Variants in CNTN1 observed in about 807,000 individuals in gnomAD.
CNTN1 encodes contactin-1.
CNTN1 carries 38 observed loss-of-function variants against 126.4 expected under a neutral mutation model. The ratio of observed to expected loss-of-function variants is 0.30; its 90% CI spans 0.23 to 0.39. The LOEUF is 0.39. Ranked by LOEUF, CNTN1 falls within the 10% of genes least tolerant of loss-of-function variation. The pLI is 1.00. For missense variants in CNTN1, 1,009 were observed against 1,248.4 expected (o/e 0.81, Z 2.89); for synonymous variants, 413 against 422.6 (o/e 0.98, Z 0.28).
rs61754102 is a variant in CNTN1, at chr12:41,020,410, T to C, written c.2493T>C (p.His831=). The change falls in exon 20 of 24, where the codon CAT becomes CAC. Residue 831 remains histidine (H), a synonymous_variant. Coordinates refer to ENST00000551295, the MANE Select transcript of CNTN1 (RefSeq NM_001843.4). ...CTGAGATATCTGTTCATTGGGAACATGTTTTAGAAAAAATAGTGGAAAGCT... is the reference window on the plus strand; with the variant it reads ...CTGAGATATCTGTTCATTGGGAACACGTTTTAGAAAAAATAGTGGAAAGCT... ...SSSEISVHWE[H]VLEKIVESYQ... is the part of the protein sequence containing the mutation. 4.8e-3 allele frequency: 7,802 copies of C among 1,611,820 alleles called. 87 individuals are homozygous for C. Among genetic ancestry groups the C allele is most frequent in the Middle Eastern group, 0.034 (202 of 6,026 alleles).
At chr12:40,918,911 T>C in intron 4 of CNTN1, 140 bp downstream of exon 4, 1 of 1,019,136 alleles carries the variant, frequency 9.8e-7, no homozygotes, top group South Asian at 1.4e-5. Flanking sequence ...ATACAAACTA[T>C]TAAAAAAGTT....
intron 1 of CNTN1, among the ~76,000 whole-genome samples, chr12:40,854,364 G>T (rs1173868585): frequency 1.3e-5 from 2 of 151,988 alleles, no homozygotes; most frequent in African/African-American, 2.4e-5. Flanking sequence ...GAAGAATAAA[G>T]ATTTATTCAA....
intron 1 of CNTN1, among the ~76,000 whole-genome samples, chr12:40,767,749 A>ATAC (rs1939175886): frequency 1.3e-5 from 2 of 152,044 alleles, no homozygotes; most frequent in African/African-American, 4.8e-5. Context: ...CTTTCTTTAT[A>ATAC]TGTTACTTAA....
intron 1 of CNTN1, among the ~76,000 whole-genome samples, chr12:40,846,437 C>A (rs1942505350): frequency 6.6e-6 from 1 of 152,202 alleles, no homozygotes; most frequent in African/African-American, 2.4e-5. Flanking sequence ...CACTGCACTC[C>A]AGCCTGGACA....
At chr12:41,057,720 T>A (rs979176166) in intron 23 of CNTN1, among the ~76,000 whole-genome samples, 1 of 152,096 alleles carries the variant, frequency 6.6e-6, no homozygotes, top group African/African-American at 2.4e-5. Flanking sequence ...GGGAGAAGAT[T>A]AAGTTTGTGG....
At chr12:40,763,707 G>A (rs1316411138) in intron 1 of CNTN1, among the ~76,000 whole-genome samples, 1 of 152,138 alleles carries the variant, frequency 6.6e-6, no homozygotes, top group Non-Finnish European at 1.5e-5. Flanking sequence ...AAAACAAAGT[G>A]GGGCTTCAGA....
intron 1 of CNTN1, among the ~76,000 whole-genome samples, chr12:40,703,602 A>G (rs1189281684): frequency 6.6e-6 from 1 of 152,200 alleles, no homozygotes; most frequent in African/African-American, 2.4e-5. Context: ...CTACTTAGGC[A>G]GGTGCCTGTT....
At chr12:40,873,871 C>T (rs185706601) in intron 1 of CNTN1, among the ~76,000 whole-genome samples, 46 of 152,230 alleles carry the variant, frequency 3.0e-4, no homozygotes, top group African/African-American at 1.1e-3. Context: ...TAGCTATCAA[C>T]TATTGGAATA....
At chr12:40,885,983 C>T (rs1944014603) in intron 1 of CNTN1, among the ~76,000 whole-genome samples, 2 of 152,026 alleles carry the variant, frequency 1.3e-5, no homozygotes, top group African/African-American at 4.8e-5. Context: ...CTTCACCTTT[C>T]TTATTTCTAA....
chr12:41,008,598 A>G (rs1266314766), intron 17 of CNTN1, among the ~76,000 whole-genome samples: 1 of 152,164 alleles, frequency 6.6e-6, no homozygotes, highest in Non-Finnish European at 1.5e-5. Flanking sequence ...TCCACCAACT[A>G]TCTATGACAT....
chr12:41,053,425 C>A (rs1395893190), intron 23 of CNTN1, among the ~76,000 whole-genome samples: 3 of 35,856 alleles, frequency 8.4e-5, no homozygotes, highest in African/African-American at 3.7e-4. Context: ...CATGTTTTCA[C>A]TAAATATATA....
intron 20 of CNTN1, among the ~76,000 whole-genome samples, chr12:41,023,259 T>A (rs536213649): frequency 2.4e-4 from 36 of 152,204 alleles, no homozygotes; most frequent in Non-Finnish European, 5.1e-4. Flanking sequence ...CCTGCCTGAT[T>A]GACACCATCT....
chr12:40,943,379 C>G (rs903899829), intron 12 of CNTN1, among the ~76,000 whole-genome samples: 1 of 151,394 alleles, frequency 6.6e-6, no homozygotes, highest in African/African-American at 2.4e-5. Flanking sequence ...GGCAATAGTT[C>G]AAGAAAAAGA....
intron 1 of CNTN1, among the ~76,000 whole-genome samples, chr12:40,895,558 T>C (rs1944380076): frequency 2.6e-5 from 4 of 152,024 alleles, no homozygotes; most frequent in African/African-American, 9.7e-5. Context: ...CCTCTTCTTG[T>C]AGAGCCACCA....
intron 23 of CNTN1, among the ~76,000 whole-genome samples, chr12:41,059,460 C>G (rs907454620): frequency 6.6e-6 from 1 of 152,090 alleles, no homozygotes; most frequent in Non-Finnish European, 1.5e-5. Flanking sequence ...TTAAGGAAGG[C>G]GGCATCACTG....
intron 1 of CNTN1, among the ~76,000 whole-genome samples, chr12:40,748,574 T>C (rs1159354346): frequency 2.0e-5 from 3 of 152,168 alleles, no homozygotes; most frequent in African/African-American, 4.8e-5. Flanking sequence ...AAAACTGTTG[T>C]GCTTATTTAC....
chr12:40,766,356 TAAA>T (rs11381914), intron 1 of CNTN1, among the ~76,000 whole-genome samples: 3 of 133,798 alleles, frequency 2.2e-5, no homozygotes, highest in South Asian at 2.4e-4. Context: ...AACTCCGTCT[TAAA>T]AAAAAAAAAA....
chr12:41,031,171 T>G (rs187595405), intron 23 of CNTN1, among the ~76,000 whole-genome samples: 3 of 152,298 alleles, frequency 2.0e-5, no homozygotes, highest in Admixed American at 2.0e-4. Context: ...GATGGTAACA[T>G]CAGTTTACCT....
intron 1 of CNTN1, among the ~76,000 whole-genome samples, chr12:40,782,926 A>T (rs1939861782): frequency 6.6e-6 from 1 of 152,014 alleles, no homozygotes; most frequent in African/African-American, 2.4e-5. Flanking sequence ...GTTGCCAGAG[A>T]CATAAAGGAA....
Sources: allele counts gnomAD v4.1 joint callset (sites outside exome capture counted in the v4.1 genomes callset), GRCh38; gene constraint gnomAD v4.1.1; transcripts MANE v1.5; gene names NCBI Gene and HGNC (gene_info 2026-07-23, HGNC 2026-07-21).